The following ABCA4 variants were observed in gnomAD, a reference collection of about 807,000 sequenced individuals.
ABCA4 encodes the protein ATP binding cassette subfamily A member 4.
In ABCA4, 196 loss-of-function variants were observed where a neutral mutation model predicts 263.7. The observed-to-expected ratio is 0.74, with a 90% CI of 0.66 to 0.84. The LOEUF is 0.84. Among genes scored for constraint, ABCA4 ranks in the 40% least tolerant of loss-of-function variants. The pLI is 0.00. For synonymous variants in ABCA4, 1,133 were observed against 1,094.2 expected, an observed-to-expected ratio of 1.04 and a Z score of -0.70; for missense variants, 2,792 against 2,855.1, an observed-to-expected ratio of 0.98 and a Z score of 0.50.
At chr1:94,044,799 G>T (rs568120374) in intron 19 of ABCA4, 55 bp from the exon 20 acceptor site, 3 of 1,613,602 alleles carry the variant, frequency 1.9e-6, no homozygotes, top group Admixed American at 1.7e-5. Flanking sequence ...ACATGCCTTA[G>T]GAGGGCCACC....
rs536798904 is a variant in ABCA4 at position 94,049,049 on chromosome 1, A to C, written c.2654-92T>G. 3.7e-5 allele frequency: 46 copies of C among 1,258,322 alleles called. 2 individuals carry two copies. In the South Asian group the frequency reaches 4.8e-4, roughly 13 times the overall value. 77.9% of individuals were successfully genotyped at this position (1,258,322 alleles called of 1,614,324 possible). On this transcript the variant is annotated intron_variant, in intron 17 of 49. Coordinates refer to ENST00000370225, the MANE Select transcript of ABCA4 (RefSeq NM_000350.3). ...AGGGGAGAGGTACAGGGAGCAAATG[A>C]GTTTCCTAGCCAGCCTTTGACCTGC...
rs868809841 is a variant in ABCA4 at position 94,059,425 on chromosome 1, C to T, written c.2160+1112G>A. 3 of 152,278 alleles carry T rather than the reference C, an allele frequency of 2.0e-5. No individual in the cohort carries two copies. In the South Asian group the frequency reaches 6.2e-4, roughly 32 times the overall value. The allele number at this position is 152,278 out of a possible 1,614,324, so 9.4% of individuals were successfully genotyped here. A position where few individuals can be genotyped will look rare whatever the true frequency, so the allele number is the denominator to read the frequency against. On this transcript the variant is annotated intron_variant, in intron 14 of 49. Transcript: ENST00000370225. ...ACTCTAGCACAGAGCATAACCAAGG[C>T]CACAGATCACTGGATCATGGAGCAA...
At chr1:94,114,797 G>A (rs1360590359) in intron 1 of ABCA4, among the ~76,000 whole-genome samples, 6 of 152,126 alleles carry the variant, frequency 3.9e-5, no homozygotes, top group South Asian at 4.1e-4. Context: ...CTGGACTTCC[G>A]CTTCTTAACA....
In ABCA4 at chr1:94,031,910, C is replaced by T. The variant is rs765176802; in HGVS notation, c.3996G>A (p.Gln1332=). 1 of 1,614,172 alleles carries T rather than the reference C, an allele frequency of 6.2e-7. No homozygotes were observed. Among genetic ancestry groups the T allele is most frequent in the Non-Finnish European group, 8.5e-7 (1 of 1,180,026 alleles). ...CTGGGCACTCTGGCTCTGGGGGAGG[C>T]TGGCCCTCTGGGTGAGCAGCCGGCG... is the stretch of plus-strand genomic sequence containing the variant. ...PGAPAAHPEG[Q]PPPEPECPGP... is the part of the protein sequence containing the mutation. Residue 1332 remains glutamine (Q), a synonymous_variant, in exon 27 of 50, where the codon CAG becomes CAA. Coordinates refer to ENST00000370225, the MANE Select transcript of ABCA4 (RefSeq NM_000350.3).
chr1:94,097,725 C>T (rs1662160705), intron 6 of ABCA4, among the ~76,000 whole-genome samples: 1 of 152,070 alleles, frequency 6.6e-6, no homozygotes, highest in African/African-American at 2.4e-5. Flanking sequence ...TTACCAACTT[C>T]TCTGATGGGT....
At chr1:94,007,414 T>C (rs931262711) in intron 43 of ABCA4, among the ~76,000 whole-genome samples, 3 of 152,186 alleles carry the variant, frequency 2.0e-5, no homozygotes, top group African/African-American at 7.2e-5. Context: ...CAAGAATCCA[T>C]CCCAACAGAG....
chr1:93,994,295 T>A (rs1658941423), intron 49 of ABCA4, among the ~76,000 whole-genome samples: 1 of 152,236 alleles, frequency 6.6e-6, no homozygotes. Context: ...TAAGATTGCA[T>A]AAGACCTTAT....
intron 27 of ABCA4, among the ~76,000 whole-genome samples, chr1:94,031,351 G>T (rs1421606801): frequency 6.6e-6 from 1 of 152,202 alleles, no homozygotes; most frequent in East Asian, 1.9e-4. Flanking sequence ...ATGCAGCCCA[G>T]TGTTCAGCCA....
chr1:94,028,643 A>G (rs900379702), intron 30 of ABCA4, among the ~76,000 whole-genome samples: 5 of 152,220 alleles, frequency 3.3e-5, no homozygotes, highest in Non-Finnish European at 7.3e-5. Flanking sequence ...GCAGTGGCTG[A>G]CGCTTGTAAT....
chr1:94,030,693 A>T (rs1557772832), intron 28 of ABCA4, among the ~76,000 whole-genome samples, 167 bp from the exon 29 acceptor site: 1 of 152,014 alleles, frequency 6.6e-6, no homozygotes, highest in Non-Finnish European at 1.5e-5. Flanking sequence ...CTGCCTGAAC[A>T]CTCGCAGTGG....
At position 94,080,779 on chromosome 1, in the gene ABCA4, G is replaced by A. The variant is rs544543592; in HGVS notation, c.859-61C>T. Reference sequence around the variant, plus strand: ...CAGCTAGAGTCATAATCTGCTGTGAGGCCAATGCTCCAACGTTTGGTTTGA... The same window carrying A: ...CAGCTAGAGTCATAATCTGCTGTGAAGCCAATGCTCCAACGTTTGGTTTGA... On this transcript the variant is annotated intron_variant, in intron 7 of 49. Transcript: ENST00000370225. 8 of 1,608,282 alleles carry A rather than the reference G, an allele frequency of 5.0e-6. No individual in the cohort carries two copies. In the Admixed American group the frequency reaches 5.0e-5, roughly 10 times the overall value.
chr1:94,005,245 T>G, intron 44 of ABCA4, 196 bp downstream of exon 44: 1 of 644,228 alleles, frequency 1.6e-6, no homozygotes, highest in Non-Finnish European at 2.6e-6. Context: ...GGGATTTTTT[T>G]TTGTCTGTCT....
At chr1:94,077,507 T>C (rs1053109707) in intron 11 of ABCA4, among the ~76,000 whole-genome samples, 183 bp downstream of exon 11, 1 of 152,202 alleles carries the variant, frequency 6.6e-6, no homozygotes, top group Non-Finnish European at 1.5e-5. Context: ...TCAGCATAGA[T>C]AAGTTTTAAG....
At chr1:94,055,386 C>G in intron 15 of ABCA4, 71 bp from the exon 16 acceptor site, 1 of 1,514,572 alleles carries the variant, frequency 6.6e-7, no homozygotes, top group Non-Finnish European at 9.1e-7. Context: ...CCCAGATGCC[C>G]TCGAGGTAGA....
intron 48 of ABCA4, 49 bp from the exon 49 acceptor site, chr1:93,996,244 G>T: frequency 7.1e-7 from 1 of 1,408,766 alleles, no homozygotes; most frequent in Non-Finnish European, 1.0e-6. Context: ...CAGGAAAACA[G>T]CACCCTACAC....
chr1:94,064,545 T>A (rs1431232865), intron 11 of ABCA4, among the ~76,000 whole-genome samples: 1 of 152,212 alleles, frequency 6.6e-6, no homozygotes, highest in African/African-American at 2.4e-5. Context: ...GTGGTTCCCA[T>A]CTGTGGCTGT....
At chr1:94,068,433 C>T (rs1199572366) in intron 11 of ABCA4, among the ~76,000 whole-genome samples, 1 of 152,216 alleles carries the variant, frequency 6.6e-6, no homozygotes, top group African/African-American at 2.4e-5. Context: ...AGCCACCTGC[C>T]ATGCAGCAAG....
At chr1:94,083,228 G>C in intron 7 of ABCA4, 124 bp downstream of exon 7, 1 of 918,490 alleles carries the variant, frequency 1.1e-6, no homozygotes, top group Non-Finnish European at 1.8e-6. Flanking sequence ...GAAATTGCTA[G>C]ATGGAAAGAT....
chr1:94,019,971 T>C (rs530986741), intron 35 of ABCA4, among the ~76,000 whole-genome samples: 35 of 152,250 alleles, frequency 2.3e-4, no homozygotes, highest in Non-Finnish European at 4.1e-4. Context: ...CCTTTCTATT[T>C]CATGTGAATA....
Sources: gnomAD v4.1 joint callset for allele counts (sites outside exome capture counted in the v4.1 genomes callset) on GRCh38, gnomAD v4.1.1 for gene constraint, MANE v1.5 for transcripts, NCBI Gene and HGNC (gene_info 2026-07-23, HGNC 2026-07-21) for gene names.